The following KNDC1 variants were observed in gnomAD, a reference collection of about 807,000 sequenced individuals.
KNDC1 encodes kinase non-catalytic C-lobe domain containing 1.
KNDC1 carries 106 observed loss-of-function variants against 172.8 expected under a neutral mutation model. The ratio of observed to expected loss-of-function variants is 0.61; its 90% CI spans 0.52 to 0.72. The LOEUF (loss-of-function observed/expected upper bound fraction) is 0.72, where lower values mean the gene tolerates loss of function less well. Among genes scored for constraint, KNDC1 ranks in the 30% least tolerant of loss-of-function variants. The pLI is 0.00. For synonymous variants in KNDC1, 1,083 were observed against 1,062.2 expected (o/e 1.02, Z -0.38); for missense variants, 2,325 against 2,394.5 (o/e 0.97, Z 0.61).
intron 20 of KNDC1, among the ~76,000 whole-genome samples, chr10:133,208,597 G>A (rs777674468): frequency 2.7e-5 from 4 of 150,890 alleles, no homozygotes; most frequent in African/African-American, 4.9e-5. Context: ...CTCCGACCCC[G>A]TTCTCCCAAG....
In KNDC1 at chr10:133,166,372, G is replaced by A. The variant is rs1167748417; in HGVS notation, c.103-1009G>A. Among the ~76,000 whole-genome samples the A allele has an allele frequency of 2.0e-5, 3 of 152,230 alleles. No homozygotes were observed. In the East Asian group the frequency reaches 5.8e-4, roughly 29 times the overall value. On this transcript the variant is annotated intron_variant, in intron 1 of 29. Transcript: ENST00000304613. ...AAGAGGGCCTTCAGCTCCATACTCG[G>A]GTGCGTGCGAGTGTGGATTGTGCAG...
intron 1 of KNDC1, among the ~76,000 whole-genome samples, chr10:133,162,664 C>T (rs941030756): frequency 6.6e-6 from 1 of 152,284 alleles, no homozygotes; most frequent in African/African-American, 2.4e-5. Flanking sequence ...GAATGCCTTC[C>T]CAAGACCGCC....
rs1440618169 is a variant in KNDC1, at chr10:133,214,071, T to G, written c.4626T>G (p.Asp1542Glu). 1.2e-6 allele frequency: 2 copies of G among 1,614,094 alleles called. No individual in the cohort carries two copies. The highest frequency in any genetic ancestry group is 2.7e-5 in the African/African-American group (2 of 74,944). ...TGTTACAGCTTCTAAGAAACGCAGA[T>G]GACGTCAGCACCTGGGTGGCTGCAG... ...KYLLQLLRNA[D>E]DVSTWVAAEI... The change falls in exon 26 of 30, where the codon GAT becomes GAG. Residue 1542 changes from aspartate to glutamate, a missense_variant. Transcript: ENST00000304613.
rs12261740 is a variant in KNDC1 at position 133,163,557 on chromosome 10, A to G, written c.102+2988A>G. Among the ~76,000 whole-genome samples the G allele has an allele frequency of 8.6e-3, 1,308 of 152,218 alleles. 20 individuals are homozygous for G. Among genetic ancestry groups the G allele is most frequent in the African/African-American group, 0.03 (1,237 of 41,522 alleles). ...GCTGTCAGGAGGCCTGGGGATTGGC[A>G]GCCAGTGCTCCCAGCTGTGATTGGA... is the stretch of plus-strand genomic sequence containing the variant. On this transcript the variant is annotated intron_variant, in intron 1 of 29. Coordinates refer to ENST00000304613, the MANE Select transcript of KNDC1 (RefSeq NM_152643.8). This position sits in a 1 kb window ranked among gnomAD's most constrained non-coding sequence, Gnocchi z 4.4.
At chr10:133,200,301 G>A in intron 15 of KNDC1, 74 bp from the exon 16 acceptor site, 1 of 1,177,250 alleles carries the variant, frequency 8.5e-7, no homozygotes, top group Admixed American at 3.1e-5. Context: ...TGGGCCTGTG[G>A]GCCCCGCCCT....
intron 3 of KNDC1, among the ~76,000 whole-genome samples, 181 bp from the exon 4 acceptor site, chr10:133,183,163 G>C (rs1853775076): frequency 6.7e-6 from 1 of 150,048 alleles, no homozygotes; most frequent in Non-Finnish European, 1.5e-5. Context: ...CGGGCGGCGA[G>C]GGTGCCAGCG....
chr10:133,218,116 C>T (rs902632556), intron 26 of KNDC1, among the ~76,000 whole-genome samples: 1 of 152,012 alleles, frequency 6.6e-6, no homozygotes, highest in African/African-American at 2.4e-5. Context: ...GACTCTGCAG[C>T]CTTGGTTTCC....
chr10:133,207,423 C>A, intron 20 of KNDC1, 72 bp downstream of exon 20: 1 of 1,381,174 alleles, frequency 7.2e-7, no homozygotes, highest in Non-Finnish European at 1.0e-6. Context: ...GGGGAACGTG[C>A]CCTCGCCAGT....
At position 133,163,532 on chromosome 10, in the gene KNDC1, G is replaced by A. The variant is rs1853045907; in HGVS notation, c.102+2963G>A. On this transcript the variant is annotated intron_variant, in intron 1 of 29. Coordinates refer to ENST00000304613, the MANE Select transcript of KNDC1 (RefSeq NM_152643.8). This position sits in a 1 kb window ranked among gnomAD's most constrained non-coding sequence, Gnocchi z 4.4. ...GTGGGGGCCTGGCAGTGTGAAGAGA[G>A]CTGTCAGGAGGCCTGGGGATTGGCA... 6.6e-6 allele frequency among the ~76,000 whole-genome samples: 1 copy of A among 152,164 alleles called. No homozygotes were observed. The highest frequency in any genetic ancestry group is 1.5e-5 in the Non-Finnish European group (1 of 68,018).
rs918877135 is a variant in KNDC1 at position 133,163,777 on chromosome 10, G to A, written c.102+3208G>A. Among the ~76,000 whole-genome samples the A allele has an allele frequency of 6.6e-6, 1 of 152,186 alleles. No homozygotes were observed. Among genetic ancestry groups the A allele is most frequent in the African/African-American group, 2.4e-5 (1 of 41,444 alleles). On this transcript the variant is annotated intron_variant, in intron 1 of 29. Coordinates refer to ENST00000304613, the MANE Select transcript of KNDC1 (RefSeq NM_152643.8). The surrounding 1 kb of genome is among the most constrained non-coding windows in gnomAD (Gnocchi z 4.4). Reference sequence around the variant, plus strand: ...TAATGGGGACCTGCCATGAGATAAGGGTCCTCGGTGGGAAGCGTGCCCTGC... The same window carrying A: ...TAATGGGGACCTGCCATGAGATAAGAGTCCTCGGTGGGAAGCGTGCCCTGC...
rs1224177125 is a variant in KNDC1 at position 133,198,873 on chromosome 10, G to A, written c.2365G>A (p.Ala789Thr). 11 of 1,597,666 alleles carry A rather than the reference G, an allele frequency of 6.9e-6. No individual in the cohort carries two copies. The highest frequency in any genetic ancestry group is 1.7e-5 in the Admixed American group (1 of 59,414). ...TCCAGTCCCCGCCCCGCCCACGAAG[G>A]CATCTGCGCTGCCCGTAGAGCAAGG... is the stretch of plus-strand genomic sequence containing the variant. ...GSPVPAPPTK[A>T]SALPVEQGPA... The change falls in exon 14 of 30, where the codon GCA (alanine) becomes ACA (threonine). Residue 789 changes from alanine to threonine, a missense_variant. Transcript: ENST00000304613.
chr10:133,188,555 A>T lies in KNDC1; in HGVS notation c.1343A>T (p.Asp448Val), dbSNP rs1853984696. Residue 448 changes from aspartate (D) to valine (V), a missense_variant, in exon 7 of 30, where the codon GAC (aspartate) becomes GTC (valine). Coordinates refer to ENST00000304613, the MANE Select transcript of KNDC1 (RefSeq NM_152643.8). ...TGCCCACAGTGGGTGTCCCTGCAGG[A>T]CCTCCTGTCCCAGCTGGGCCGGCCC... ...AAAEQWVSLQDLLSQLGRPFR... is the reference protein window; with the variant it reads ...AAAEQWVSLQVLLSQLGRPFR... 1 of 1,572,668 alleles carries T rather than the reference A, an allele frequency of 6.4e-7. No individual in the cohort carries two copies.
chr10:133,213,595 A>C, intron 24 of KNDC1, 50 bp from the exon 25 acceptor site: 1 of 1,537,128 alleles, frequency 6.5e-7, no homozygotes, highest in Non-Finnish European at 9.0e-7. Context: ...CTTGGACACA[A>C]GGCCCTAAGG....
intron 3 of KNDC1, among the ~76,000 whole-genome samples, chr10:133,181,437 G>A (rs1264436159): frequency 6.6e-6 from 1 of 152,208 alleles, no homozygotes; most frequent in Non-Finnish European, 1.5e-5. Context: ...ACAGTGGCTG[G>A]GGCCGGTGCC....
intron 11 of KNDC1, among the ~76,000 whole-genome samples, 186 bp downstream of exon 11, chr10:133,197,321 T>G (rs1854221857): frequency 6.6e-6 from 1 of 151,848 alleles, no homozygotes; most frequent in South Asian, 2.1e-4. Flanking sequence ...GGCCCCACAG[T>G]GGCCCCCAGG....
intron 17 of KNDC1, among the ~76,000 whole-genome samples, chr10:133,203,002 G>A (rs915124262): frequency 3.3e-5 from 5 of 152,056 alleles, no homozygotes; most frequent in East Asian, 1.9e-4. Flanking sequence ...AACTCACGGC[G>A]TCCAGCCGGG....
chr10:133,218,426 T>C (rs1351827828), intron 26 of KNDC1, among the ~76,000 whole-genome samples: 1 of 152,098 alleles, frequency 6.6e-6, no homozygotes, highest in Non-Finnish European at 1.5e-5. Context: ...CGCAGCGGGT[T>C]GGGGGGTGGG....
At position 133,219,952 on chromosome 10, in the gene KNDC1, C is replaced by A; in HGVS notation, c.4861-3C>A. The stretch of plus-strand genomic sequence containing the variant: ...CCGGCCCACGCCCCGGCTGGACCAC[C>A]AGGTCTTCCTGAAGAGCGACAGCCT... On this transcript the variant is annotated splice_polypyrimidine_tract_variant and splice_region_variant and intron_variant, in intron 28 of 29. Coordinates refer to ENST00000304613, the MANE Select transcript of KNDC1 (RefSeq NM_152643.8). 6.5e-7 allele frequency: 1 copy of A among 1,549,450 alleles called. No individual in the cohort carries two copies.
intron 5 of KNDC1, among the ~76,000 whole-genome samples, chr10:133,185,198 AGTGTGTGCAGTGTGGAGTAGGC>A: frequency 6.6e-6 from 1 of 150,400 alleles, no homozygotes; most frequent in Non-Finnish European, 1.5e-5. Context: ...TGGAGTAGGC[AGTGTGTGCAGTGTGGAGTAGGC>A]AGTGTGTGCA....
Sources: allele counts gnomAD v4.1 joint callset (sites outside exome capture counted in the v4.1 genomes callset), GRCh38; gene constraint gnomAD v4.1.1; non-coding constraint Gnocchi (gnomAD v3.1); transcripts MANE v1.5; gene names NCBI Gene and HGNC (gene_info 2026-07-23, HGNC 2026-07-21).